IFNGR2: variants seen among roughly 807,000 people sequenced by gnomAD.
IFNGR2 encodes the protein IFN-gamma receptor 2.
IFNGR2 carries 15 observed loss-of-function variants against 41.1 expected under a neutral mutation model. The ratio of observed to expected loss-of-function variants is 0.37; its 90% CI spans 0.24 to 0.56. IFNGR2 has a LOEUF of 0.56. Ranked by LOEUF, IFNGR2 falls within the 20% of genes least tolerant of loss-of-function variation. The pLI is 0.81. For synonymous variants in IFNGR2, 161 were observed against 171.6 expected (o/e 0.94, Z 0.48); for missense variants, 362 against 415.7 (o/e 0.87, Z 1.12).
chr21:33,420,934 C>T (rs17885013), intron 2 of IFNGR2, among the ~76,000 whole-genome samples: 1,523 of 152,196 alleles, frequency 0.01, 33 homozygotes, highest in African/African-American at 0.035. Context: ...CAGTGGCTCA[C>T]GCTTGTAATT....
Position 33,421,698 on chromosome 21 carries a change from G to C in IFNGR2, c.412+13G>C. The C allele has an allele frequency of 6.2e-7, 1 of 1,600,592 alleles. No individual in the cohort carries two copies. The highest frequency in any genetic ancestry group is 1.3e-5 in the African/African-American group (1 of 74,780). Reference sequence around the variant, plus strand: ...CACTATCGGAATGGTAAGAGAACTTGAGTATAGAACTTCCTTTATACTTTC... The same window carrying C: ...CACTATCGGAATGGTAAGAGAACTTCAGTATAGAACTTCCTTTATACTTTC... On this transcript the variant is annotated intron_variant, in intron 3 of 6. Transcript: ENST00000290219.
At chr21:33,427,564 A>C (rs2083849075) in intron 4 of IFNGR2, among the ~76,000 whole-genome samples, 1 of 152,198 alleles carries the variant, frequency 6.6e-6, no homozygotes, top group African/African-American at 2.4e-5. Flanking sequence ...AATGCAATCC[A>C]CAAGGGGCTG....
At chr21:33,418,147 C>T (rs565960671) in intron 2 of IFNGR2, among the ~76,000 whole-genome samples, 3 of 152,132 alleles carry the variant, frequency 2.0e-5, no homozygotes, top group African/African-American at 7.2e-5. Flanking sequence ...GCCTCCGCCT[C>T]GTGGGTTCAA....
chr21:33,431,923 T>G (rs1268861234), intron 4 of IFNGR2, among the ~76,000 whole-genome samples: 1 of 152,192 alleles, frequency 6.6e-6, no homozygotes, highest in South Asian at 2.1e-4. Context: ...TTTACTGAAG[T>G]CTAGTTACTA....
intron 3 of IFNGR2, among the ~76,000 whole-genome samples, chr21:33,422,994 G>A (rs1006972106): frequency 6.6e-6 from 1 of 150,630 alleles, no homozygotes; most frequent in African/African-American, 2.4e-5. Context: ...TGATTCAGTT[G>A]GGTAATTAGT....
chr21:33,423,036 CTTTTT>C (rs1158807047), intron 3 of IFNGR2, among the ~76,000 whole-genome samples: 4 of 117,372 alleles, frequency 3.4e-5, no homozygotes, highest in East Asian at 2.2e-4. Flanking sequence ...CTTCCCTCTA[CTTTTT>C]TTTTTTTTTT....
intron 1 of IFNGR2, among the ~76,000 whole-genome samples, chr21:33,407,797 C>A (rs1237643139): frequency 1.3e-5 from 2 of 151,604 alleles, no homozygotes; most frequent in African/African-American, 4.9e-5. Flanking sequence ...GGTTTCACCA[C>A]GTTGGCTAGG....
chr21:33,420,871 ACCCC>A (rs201982278), intron 2 of IFNGR2, among the ~76,000 whole-genome samples: 4 of 151,642 alleles, frequency 2.6e-5, no homozygotes, highest in Non-Finnish European at 4.4e-5. Context: ...ACAAGGAGAG[ACCCC>A]CAACTCTACA....
At chr21:33,431,778 C>T (rs2083890444) in intron 4 of IFNGR2, among the ~76,000 whole-genome samples, 1 of 152,140 alleles carries the variant, frequency 6.6e-6, no homozygotes, top group Admixed American at 6.6e-5. Context: ...GCAATGTTGG[C>T]CAGGCTGGTC....
intron 4 of IFNGR2, among the ~76,000 whole-genome samples, chr21:33,429,666 C>T (rs957766234): frequency 1.9e-4 from 29 of 152,050 alleles, no homozygotes; most frequent in Non-Finnish European, 3.8e-4. Flanking sequence ...TATGAGAGAC[C>T]CAGCGCCCAG....
chr21:33,408,250 G>A (rs947560892), intron 1 of IFNGR2, among the ~76,000 whole-genome samples: 1 of 152,014 alleles, frequency 6.6e-6, no homozygotes, highest in Non-Finnish European at 1.5e-5. Flanking sequence ...CAGCTGGAGT[G>A]CAGTGGCATG....
chr21:33,434,516 C>T (rs1252879664), intron 6 of IFNGR2, among the ~76,000 whole-genome samples: 1 of 151,934 alleles, frequency 6.6e-6, no homozygotes, highest in Admixed American at 6.6e-5. Flanking sequence ...AGCAAGACTC[C>T]ATCTCAAAAA....
chr21:33,433,702 T>C (rs2083913561), intron 6 of IFNGR2, among the ~76,000 whole-genome samples: 1 of 152,160 alleles, frequency 6.6e-6, no homozygotes, highest in African/African-American at 2.4e-5. Flanking sequence ...GATTGCACAA[T>C]GTGAATGTGC....
intron 3 of IFNGR2, among the ~76,000 whole-genome samples, chr21:33,425,446 A>C (rs1159490146): frequency 6.6e-6 from 1 of 152,108 alleles, no homozygotes; most frequent in African/African-American, 2.4e-5. Flanking sequence ...CTGTGTTTTC[A>C]GCCGTGCAGT....
intron 5 of IFNGR2, 146 bp from the exon 6 acceptor site, chr21:33,432,568 G>T: frequency 1.1e-6 from 1 of 950,232 alleles, no homozygotes; most frequent in Non-Finnish European, 1.7e-6. Context: ...ATTAATGTAA[G>T]CATACCAGGT....
Position 33,403,508 on chromosome 21 carries a change from GGCCGCGACCTGA to G in IFNGR2, c.-30_-19del. 1 of 1,180,008 alleles carries G rather than the reference GGCCGCGACCTGA, an allele frequency of 8.5e-7. No individual in the cohort carries two copies. The highest frequency in any genetic ancestry group is 1.0e-6 in the Non-Finnish European group (1 of 954,414). The allele number at this position is 1,180,008 out of a possible 1,614,324, so 73.1% of individuals were successfully genotyped here. On this transcript the variant is annotated 5_prime_UTR_variant, in exon 1 of 7. Coordinates refer to ENST00000290219, the MANE Select transcript of IFNGR2 (RefSeq NM_005534.4). ...CTCCGCGGACCCCGAGCGGGGCCCCGGCCGCGACCTGAGCCGCCGCCGAGCGCCCGGGGCCAT... is the reference window on the plus strand; with the variant it reads ...CTCCGCGGACCCCGAGCGGGGCCCCGGCCGCCGCCGAGCGCCCGGGGCCAT...
intron 6 of IFNGR2, among the ~76,000 whole-genome samples, chr21:33,435,193 G>A (rs575604098): frequency 3.3e-5 from 5 of 152,120 alleles, no homozygotes; most frequent in Admixed American, 2.0e-4. Context: ...GAAATTAATC[G>A]CTGGGAAACA....
intron 3 of IFNGR2, among the ~76,000 whole-genome samples, chr21:33,425,248 G>C (rs895334620): frequency 6.6e-6 from 1 of 152,142 alleles, no homozygotes; most frequent in Non-Finnish European, 1.5e-5. Context: ...CAGTGACACT[G>C]ATCGTGAGAG....
chr21:33,407,213 T>G (rs2083683545), intron 1 of IFNGR2, among the ~76,000 whole-genome samples: 1 of 152,266 alleles, frequency 6.6e-6, no homozygotes, highest in East Asian at 1.9e-4. Context: ...GGATATGTAC[T>G]GTGCCACAGA....
Sources: allele counts gnomAD v4.1 joint callset (sites outside exome capture counted in the v4.1 genomes callset), GRCh38; gene constraint gnomAD v4.1.1; transcripts MANE v1.5; gene names NCBI Gene and HGNC (gene_info 2026-07-23, HGNC 2026-07-21).